Variants in WNK2 observed in about 807,000 individuals in gnomAD.
WNK2 encodes WNK lysine deficient protein kinase 2.
In WNK2, 67 loss-of-function variants were observed where a neutral mutation model predicts 192.1. The observed-to-expected ratio is 0.35, with a 90% CI of 0.29 to 0.43. WNK2 has a LOEUF of 0.43. Ranked by LOEUF, WNK2 falls within the 20% of genes least tolerant of loss-of-function variation. WNK2 has a pLI of 1.00. For synonymous variants in WNK2, 1,439 were observed against 1,393.9 expected (o/e 1.03, Z -0.72); for missense variants, 2,698 against 3,089.7 (o/e 0.87, Z 3.01).
intron 5 of WNK2, among the ~76,000 whole-genome samples, chr9:93,236,162 C>T (rs566015140): frequency 2.0e-5 from 3 of 152,274 alleles, no homozygotes; most frequent in South Asian, 4.1e-4. Context: ...GTGGGGCGCT[C>T]CAGAGATTAA....
chr9:93,214,601 G>T (rs1835359944), intron 2 of WNK2, among the ~76,000 whole-genome samples: 1 of 151,776 alleles, frequency 6.6e-6, no homozygotes, highest in Non-Finnish European at 1.5e-5. Flanking sequence ...ACCACGCCTG[G>T]CCTCTTCATC....
chr9:93,228,057 T>G (rs1471160453), intron 2 of WNK2, among the ~76,000 whole-genome samples: 1 of 152,234 alleles, frequency 6.6e-6, no homozygotes. Flanking sequence ...TTAGATTTTT[T>G]TGGGAGTTGC....
chr9:93,320,154 T>G (rs1295075242), intron 29 of WNK2, among the ~76,000 whole-genome samples: 1 of 152,230 alleles, frequency 6.6e-6, no homozygotes, highest in Non-Finnish European at 1.5e-5. Flanking sequence ...AGCCGTTCAG[T>G]GTGCTGACTG....
At chr9:93,215,492 C>T (rs1020068324) in intron 2 of WNK2, among the ~76,000 whole-genome samples, 1 of 152,128 alleles carries the variant, frequency 6.6e-6, no homozygotes, top group African/African-American at 2.4e-5. Context: ...TGGACCTTCC[C>T]CTTTGTCTTC....
At chr9:93,184,826 C>CCCCAGCGCTTTCTGCGGCGCAGCG in intron 1 of WNK2, 102 bp from the exon 2 acceptor site, 1 of 1,055,028 alleles carries the variant, frequency 9.5e-7, no homozygotes, top group Non-Finnish European at 1.2e-6. Flanking sequence ...GCGGCCGGGG[C>CCCCAGCGCTTTCTGCGGCGCAGCG]TGGGCAGGTT....
intron 19 of WNK2, among the ~76,000 whole-genome samples, chr9:93,272,201 T>G (rs1408819675): frequency 6.6e-6 from 1 of 152,134 alleles, no homozygotes; most frequent in Non-Finnish European, 1.5e-5. Context: ...GCAACAGAAG[T>G]TGTAAATATA....
At chr9:93,224,195 C>T (rs570054334) in intron 2 of WNK2, among the ~76,000 whole-genome samples, 109 of 152,362 alleles carry the variant, frequency 7.2e-4, no homozygotes, top group African/African-American at 2.4e-3. Context: ...GCGTGGGGCT[C>T]ACCTCCTGGT....
chr9:93,263,884 G>A lies in WNK2; in HGVS notation c.3580-33G>A, dbSNP rs576629979. 112 of 1,554,708 alleles carry A rather than the reference G, an allele frequency of 7.2e-5. 3 individuals are homozygous for A. The South Asian group carries it at 8.7e-4, about 12-fold the overall frequency. On this transcript the variant is annotated intron_variant, in intron 15 of 29. Transcript: ENST00000427277. ...GTGTGGCGGGTGCACGTGTGGGTAC[G>A]CCCGTGGTGGGTGCTGATGCTGCCC...
At chr9:93,281,050 C>G (rs1363547836) in intron 19 of WNK2, among the ~76,000 whole-genome samples, 1 of 152,080 alleles carries the variant, frequency 6.6e-6, no homozygotes, top group Non-Finnish European at 1.5e-5. Flanking sequence ...GAAAGCAGAT[C>G]AGTAGTTGGG....
At chr9:93,219,963 A>G (rs952986364) in intron 2 of WNK2, among the ~76,000 whole-genome samples, 3 of 152,232 alleles carry the variant, frequency 2.0e-5, no homozygotes, top group African/African-American at 7.2e-5. Context: ...TGGCTGGGAC[A>G]TCACCTGGTG....
intron 8 of WNK2, among the ~76,000 whole-genome samples, chr9:93,250,538 A>G (rs1842439104): frequency 6.6e-6 from 1 of 152,176 alleles, no homozygotes; most frequent in South Asian, 2.1e-4. Context: ...TCCAAGAAGA[A>G]CCTGGTCTGT....
intron 19 of WNK2, among the ~76,000 whole-genome samples, chr9:93,287,604 T>A (rs1042076097): frequency 1.3e-5 from 2 of 152,162 alleles, no homozygotes; most frequent in Admixed American, 1.3e-4. Flanking sequence ...GGAGGAAATT[T>A]TGGTCAAATT....
chr9:93,289,915 C>T (rs1445245186), intron 20 of WNK2, 63 bp from the exon 21 acceptor site: 6 of 1,472,614 alleles, frequency 4.1e-6, no homozygotes, highest in Non-Finnish European at 5.5e-6. Context: ...TTTGCAGATA[C>T]AGCTGTTGAG....
chr9:93,259,714 G>T lies in WNK2; in HGVS notation c.3066+100G>T, dbSNP rs1843900958. 2 of 1,163,836 alleles carry T rather than the reference G, an allele frequency of 1.7e-6. No individual in the cohort carries two copies. Among genetic ancestry groups the T allele is most frequent in the African/African-American group, 3.1e-5 (2 of 64,644 alleles). The allele number at this position is 1,163,836 out of a possible 1,614,324, so 72.1% of individuals were successfully genotyped here. On this transcript the variant is annotated intron_variant, in intron 12 of 29. Coordinates refer to ENST00000427277, the MANE Select transcript of WNK2 (RefSeq NM_006648.4). The surrounding 1 kb of genome is among the most constrained non-coding windows in gnomAD (Gnocchi z 4.8). ...CAGAGGCAGGCAAGGAGGCAGCCCT[G>T]CCTGGGGTCGCCCCTCTCAGGAAGA...
intron 7 of WNK2, among the ~76,000 whole-genome samples, chr9:93,241,771 G>C (rs1337979590): frequency 6.6e-6 from 1 of 152,206 alleles, no homozygotes; most frequent in Non-Finnish European, 1.5e-5. Context: ...GGGGGCACTG[G>C]TATGTGGTAC....
Position 93,268,628 on chromosome 9 carries a change from C to T in WNK2, c.3915C>T (p.Val1305=), listed in dbSNP as rs994330045. Residue 1305 remains valine (V), a splice_region_variant and synonymous_variant, in exon 19 of 30, where the codon GTC becomes GTT. Transcript: ENST00000427277. ...TGCTGTTTCTGTTCTGCCCTTCAGT[C>T]CTGCACACCGGGAAGAGGTGGTTCA... ...QANAPVYQQN[V]LHTGKRWFII... is the part of the protein sequence containing the mutation. 5 of 1,611,698 alleles carry T rather than the reference C, an allele frequency of 3.1e-6. No individual in the cohort carries two copies. Among genetic ancestry groups the T allele is most frequent in the Non-Finnish European group, 4.2e-6 (5 of 1,179,172 alleles).
At chr9:93,192,011 A>C (rs1402200645) in intron 2 of WNK2, among the ~76,000 whole-genome samples, 1 of 147,568 alleles carries the variant, frequency 6.8e-6, no homozygotes, top group Non-Finnish European at 1.5e-5. Flanking sequence ...GCGACAGAGC[A>C]AGACTCCGTC....
chr9:93,211,316 A>G (rs199637999), intron 2 of WNK2, among the ~76,000 whole-genome samples: 1 of 150,754 alleles, frequency 6.6e-6, no homozygotes, highest in Non-Finnish European at 1.5e-5. Context: ...TCACTCACTC[A>G]TCCACTCAGT....
chr9:93,216,996 G>A (rs993098443), intron 2 of WNK2, among the ~76,000 whole-genome samples: 2 of 150,346 alleles, frequency 1.3e-5, no homozygotes, highest in African/African-American at 4.9e-5. Context: ...GTCTTGCTCT[G>A]TTGCCAGGCT....
Sources: gnomAD v4.1 joint callset for allele counts (sites outside exome capture counted in the v4.1 genomes callset) on GRCh38, gnomAD v4.1.1 for gene constraint, Gnocchi (gnomAD v3.1) non-coding constraint, MANE v1.5 for transcripts, NCBI Gene and HGNC (gene_info 2026-07-23, HGNC 2026-07-21) for gene names.